TXNL4A: variants seen among roughly 807,000 people sequenced by gnomAD.
TXNL4A encodes thioredoxin-like protein 4A.
In TXNL4A, 17 loss-of-function variants were observed where a neutral mutation model predicts 14.6. The observed-to-expected ratio is 1.16, with a 90% confidence interval of 0.80 to 1.74. The LOEUF (loss-of-function observed/expected upper bound fraction) is 1.74, where lower values mean the gene tolerates loss of function less well. TXNL4A is among the 40% of genes most tolerant of loss of function. TXNL4A has a pLI of 0.00. For synonymous variants in TXNL4A, 83 were observed against 70.6 expected, an observed-to-expected ratio of 1.18 and a Z score of -0.88; for missense variants, 74 against 195.2, an observed-to-expected ratio of 0.38 and a Z score of 3.70.
At chr18:80,020,870 C>T (rs913236851) in intron 1 of TXNL4A, among the ~76,000 whole-genome samples, 5 of 150,290 alleles carry the variant, frequency 3.3e-5, no homozygotes, top group Non-Finnish European at 7.4e-5. Context: ...ATTATCTTCT[C>T]ACCTAATGTT....
At chr18:80,018,890 G>A (rs1001905746) in intron 1 of TXNL4A, among the ~76,000 whole-genome samples, 10 of 152,208 alleles carry the variant, frequency 6.6e-5, no homozygotes, top group African/African-American at 2.4e-4. Flanking sequence ...AATGCCACCA[G>A]TATCTTTGCT....
At chr18:80,015,298 A>C (rs1365861646) in intron 1 of TXNL4A, among the ~76,000 whole-genome samples, 1 of 151,976 alleles carries the variant, frequency 6.6e-6, no homozygotes, top group Non-Finnish European at 1.5e-5. Context: ...ATCAGGCTGC[A>C]AATTTTCTGA....
intron 1 of TXNL4A, chr18:79,986,844 T>C: frequency 1.1e-6 from 1 of 882,614 alleles, no homozygotes; most frequent in Non-Finnish European, 1.4e-6. Flanking sequence ...TAGTCAATTC[T>C]TCGCTGGATT....
At chr18:80,029,829 C>G (rs2051909808) in intron 1 of TXNL4A, among the ~76,000 whole-genome samples, 1 of 152,118 alleles carries the variant, frequency 6.6e-6, no homozygotes, top group South Asian at 2.1e-4. Flanking sequence ...CAACTTTTCT[C>G]AAGGGAGATA....
intron 1 of TXNL4A, among the ~76,000 whole-genome samples, chr18:80,004,442 C>T (rs571827919): frequency 1.1e-4 from 16 of 152,320 alleles, no homozygotes; most frequent in Admixed American, 5.9e-4. Flanking sequence ...AGCCAGAAAC[C>T]TGAAGCAGGC....
chr18:80,004,221 TTA>T (rs1197621699), intron 1 of TXNL4A, among the ~76,000 whole-genome samples: 2 of 151,998 alleles, frequency 1.3e-5, no homozygotes, highest in African/African-American at 2.4e-5. Flanking sequence ...TCCCTGAGGT[TTA>T]TGTTTCCTCC....
intron 1 of TXNL4A, among the ~76,000 whole-genome samples, chr18:80,012,284 TTC>T (rs1162088986): frequency 6.6e-6 from 1 of 152,230 alleles, no homozygotes; most frequent in Non-Finnish European, 1.5e-5. Flanking sequence ...TTTAAGTTTT[TTC>T]TGTTAAATCT....
intron 1 of TXNL4A, among the ~76,000 whole-genome samples, chr18:80,030,743 A>G (rs1295507476): frequency 6.6e-6 from 1 of 152,178 alleles, no homozygotes; most frequent in East Asian, 1.9e-4. Flanking sequence ...AGGTGGGTGG[A>G]TCATTTGAGA....
chr18:80,022,825 T>C (rs1254130775), intron 1 of TXNL4A, among the ~76,000 whole-genome samples: 2 of 152,188 alleles, frequency 1.3e-5, no homozygotes, highest in Admixed American at 6.5e-5. Context: ...TGCCACCCCA[T>C]GGATACAAGT....
At chr18:80,033,141 T>G (rs1054137731) in intron 1 of TXNL4A, among the ~76,000 whole-genome samples, 7 of 152,246 alleles carry the variant, frequency 4.6e-5, no homozygotes, top group African/African-American at 1.7e-4. Flanking sequence ...GAGACTTGTC[T>G]CGTCGTTTTC....
At chr18:79,984,619 T>G (rs2051515872) in intron 1 of TXNL4A, among the ~76,000 whole-genome samples, 1 of 152,196 alleles carries the variant, frequency 6.6e-6, no homozygotes, top group Non-Finnish European at 1.5e-5. Flanking sequence ...GAGGAATTTT[T>G]TTGTTTTGTT....
intron 1 of TXNL4A, among the ~76,000 whole-genome samples, chr18:80,023,915 TG>T (rs1025591144): frequency 2.0e-5 from 3 of 152,236 alleles, no homozygotes; most frequent in Non-Finnish European, 4.4e-5. Flanking sequence ...GCCTGTCTCC[TG>T]GGCACGTCCT....
At chr18:79,974,409 G>A (rs2051348173) in intron 2 of TXNL4A, among the ~76,000 whole-genome samples, 1 of 152,226 alleles carries the variant, frequency 6.6e-6, no homozygotes, top group African/African-American at 2.4e-5. Flanking sequence ...TATCTTTCAA[G>A]AGACTAGTTC....
At chr18:80,007,202 C>T (rs185035765) in intron 1 of TXNL4A, among the ~76,000 whole-genome samples, 9 of 152,168 alleles carry the variant, frequency 5.9e-5, no homozygotes, top group Admixed American at 2.0e-4. Context: ...GCAGGACGAG[C>T]CACAGACAAA....
intron 2 of TXNL4A, among the ~76,000 whole-genome samples, chr18:79,975,080 C>T (rs1207455006): frequency 1.3e-5 from 2 of 152,210 alleles, no homozygotes; most frequent in Non-Finnish European, 2.9e-5. Flanking sequence ...CACCAAGCTC[C>T]TTCTACAATG....
chr18:79,980,129 G>A (rs760848999), intron 1 of TXNL4A, among the ~76,000 whole-genome samples: 18 of 152,174 alleles, frequency 1.2e-4, no homozygotes, highest in Non-Finnish European at 2.1e-4. Flanking sequence ...TGGGGGCATC[G>A]AGGACTGCAG....
At chr18:79,977,181 A>G (rs2051392502) in intron 2 of TXNL4A, 2 of 259,660 alleles carry the variant, frequency 7.7e-6, no homozygotes, top group Non-Finnish European at 1.5e-5. Flanking sequence ...CTGGTCTCGA[A>G]CTCCTGACCT....
intron 1 of TXNL4A, among the ~76,000 whole-genome samples, chr18:80,015,468 G>A (rs1351165154): frequency 3.0e-4 from 46 of 151,402 alleles, no homozygotes; most frequent in Admixed American, 5.9e-4. Context: ...CCATTAACTC[G>A]TCATTTAGCA....
At chr18:80,033,068 A>G (rs1389182152) in intron 1 of TXNL4A, among the ~76,000 whole-genome samples, 1 of 136,434 alleles carries the variant, frequency 7.3e-6, no homozygotes, top group Admixed American at 7.8e-5. Flanking sequence ...TTTTGGAGAA[A>G]GGCGTAGACC....
Sources: gnomAD v4.1 joint callset for allele counts (sites outside exome capture counted in the v4.1 genomes callset) on GRCh38, gnomAD v4.1.1 for gene constraint, MANE v1.5 for transcripts, NCBI Gene and HGNC (gene_info 2026-07-23, HGNC 2026-07-21) for gene names.